The following KPNA7 variants were observed in gnomAD, a reference collection of about 807,000 sequenced individuals.
The protein encoded by KPNA7 is importin subunit alpha-8.
Under a neutral mutation model 53.7 loss-of-function variants are expected in KPNA7, and 54 were observed. The observed-to-expected ratio is 1.01, with a 90% CI of 0.81 to 1.26. KPNA7 has a LOEUF of 1.26. KPNA7 is among the 50% of genes most tolerant of loss of function. The pLI is 0.00. For synonymous variants in KPNA7, 276 were observed against 259.3 expected (o/e 1.06, Z -0.62); for missense variants, 640 against 644.5 (o/e 0.99, Z 0.07).
upstream of KPNA7, among the ~76,000 whole-genome samples, chr7:99,209,041 A>T (rs1039595614): frequency 1.3e-5 from 2 of 152,054 alleles, no homozygotes; most frequent in Non-Finnish European, 1.5e-5. Flanking sequence ...AATTCCAGCT[A>T]TTTGGGAGGC....
chr7:99,197,993 C>T lies in KPNA7; in HGVS notation c.202-1827G>A, dbSNP rs143399267. ...TCTGAAAAGTTCAATGAGCTCCAAA[C>T]GGAATAAATCCCAAGATCCAGACAT... On this transcript the variant is annotated intron_variant, in intron 3 of 10. Transcript: ENST00000327442. 7.9e-5 allele frequency among the ~76,000 whole-genome samples: 12 copies of T among 152,256 alleles called. No individual in the cohort carries two copies. The East Asian group carries it at 9.7e-4, about 12-fold the overall frequency.
chr7:99,173,392 T>C (rs1313029320), downstream of KPNA7, among the ~76,000 whole-genome samples: 1 of 152,112 alleles, frequency 6.6e-6, no homozygotes, highest in Non-Finnish European at 1.5e-5. Flanking sequence ...GGAGTTTCAC[T>C]GTGTTGGCCA....
rs183241291 is a variant in KPNA7, at chr7:99,195,288, G to A, written c.335C>T (p.Ala112Val). The change falls in exon 5 of 11, where the codon GCG becomes GTG. Residue 112 changes from alanine to valine, a missense_variant. By Grantham distance (64) the Ala-to-Val change is moderately conservative. Transcript: ENST00000327442. ...CTCCACCATCCTGGGAATGAGGCCC[G>A]CTTCAATGACCAGTTTCAGAGGGGG... ...KNPPLKLVIE[A>V]GLIPRMVEFL... The A allele has an allele frequency of 2.6e-5, 41 of 1,551,582 alleles. No homozygotes were observed. The East Asian group carries it at 4.4e-4, about 17-fold the overall frequency.
intron 10 of KPNA7, among the ~76,000 whole-genome samples, chr7:99,173,999 C>T (rs1798820277): frequency 6.6e-6 from 1 of 152,186 alleles, no homozygotes; most frequent in Admixed American, 6.5e-5. Flanking sequence ...ACAACTGAAG[C>T]TTTGTACCTA....
chr7:99,178,847 A>G (rs1799033422), intron 9 of KPNA7, among the ~76,000 whole-genome samples: 1 of 141,788 alleles, frequency 7.1e-6, no homozygotes, highest in African/African-American at 2.5e-5. Flanking sequence ...CAGTGGCGTA[A>G]TCTTGGCTCA....
At chr7:99,192,358 T>C (rs928529672) in intron 6 of KPNA7, among the ~76,000 whole-genome samples, 3 of 152,170 alleles carry the variant, frequency 2.0e-5, no homozygotes, top group African/African-American at 7.2e-5. Context: ...TACTGGCCCC[T>C]AAAGACAGAG....
At chr7:99,156,744 C>G in the KPNA7 span, among the ~76,000 whole-genome samples, 1 of 152,144 alleles carries the variant, frequency 6.6e-6, no homozygotes, top group Non-Finnish European at 1.5e-5. Context: ...AAGCTGGTCT[C>G]AAACTCCTGA....
At chr7:99,156,484 A>G in the KPNA7 span, among the ~76,000 whole-genome samples, 1 of 152,040 alleles carries the variant, frequency 6.6e-6, no homozygotes, top group East Asian at 1.9e-4. Flanking sequence ...TTGGCATTCA[A>G]TGAACCCTTT....
Position 99,188,395 on chromosome 7 carries a change from T to C in KPNA7, c.805A>G (p.Thr269Ala). Residue 269 changes from threonine to alanine, a missense_variant, in exon 7 of 11, where the codon ACC (threonine) becomes GCC (alanine). Physicochemically the swap from Thr to Ala is moderately conservative, Grantham distance 58. Transcript: ENST00000327442. ...CCGATGCGCTTGTTGGAGCCGTCGGTGAGGTAGGACAGTGCCCAGCAGGCA... is the reference window on the plus strand; with the variant it reads ...CCGATGCGCTTGTTGGAGCCGTCGGCGAGGTAGGACAGTGCCCAGCAGGCA... ...SDACWALSYL[T>A]DGSNKRIGQV... The C allele has an allele frequency of 6.4e-7, 1 of 1,551,374 alleles. No homozygotes were observed. The highest frequency in any genetic ancestry group is 8.7e-7 in the Non-Finnish European group (1 of 1,146,958).
At chr7:99,191,532 C>CT (rs1348303775) in intron 6 of KPNA7, among the ~76,000 whole-genome samples, 1 of 152,184 alleles carries the variant, frequency 6.6e-6, no homozygotes, top group African/African-American at 2.4e-5. Flanking sequence ...CAAAGCCTCC[C>CT]TGCTGCTAGC....
At chr7:99,165,983 C>A in the KPNA7 span, among the ~76,000 whole-genome samples, 1 of 145,060 alleles carries the variant, frequency 6.9e-6, no homozygotes. Context: ...CTCATGAGAT[C>A]TGGTTGTTTA....
chr7:99,158,995 G>A, the KPNA7 span, among the ~76,000 whole-genome samples: 2 of 151,956 alleles, frequency 1.3e-5, no homozygotes, highest in Non-Finnish European at 2.9e-5. Flanking sequence ...CTCCCGAGTA[G>A]TTGGGACTAC....
At chr7:99,161,369 A>G in the KPNA7 span, among the ~76,000 whole-genome samples, 1 of 152,140 alleles carries the variant, frequency 6.6e-6, no homozygotes, top group Admixed American at 6.6e-5. Flanking sequence ...TCCAGCCATC[A>G]GCCACTGAAG....
chr7:99,164,704 G>A, the KPNA7 span, among the ~76,000 whole-genome samples: 1,783 of 152,244 alleles, frequency 0.012, 34 homozygotes, highest in African/African-American at 0.041. Flanking sequence ...GGAGAGGCAG[G>A]ATGCAGGTAG....
chr7:99,188,723 G>C (rs1789772428), intron 6 of KPNA7, among the ~76,000 whole-genome samples, 160 bp from the exon 7 acceptor site: 1 of 152,126 alleles, frequency 6.6e-6, no homozygotes, highest in Non-Finnish European at 1.5e-5. Flanking sequence ...TGTCACCCAG[G>C]CTGGAGTGCA....
upstream of KPNA7, among the ~76,000 whole-genome samples, chr7:99,211,146 A>C (rs1012993335): frequency 6.6e-6 from 1 of 152,182 alleles, no homozygotes; most frequent in Non-Finnish European, 1.5e-5. Context: ...CTGGCTGGGC[A>C]CAGTGGCTCA....
At chr7:99,208,639 C>G (rs1563091169), upstream of KPNA7, among the ~76,000 whole-genome samples, 1 of 152,070 alleles carries the variant, frequency 6.6e-6, no homozygotes, top group East Asian at 1.9e-4. Context: ...AACTCCTGAC[C>G]TTGTGATCCA....
upstream of KPNA7, among the ~76,000 whole-genome samples, chr7:99,210,696 C>T (rs1344811507): frequency 6.6e-6 from 1 of 152,008 alleles, no homozygotes; most frequent in Non-Finnish European, 1.5e-5. Context: ...TCAAGTGATC[C>T]TCCTGCCTCA....
intron 9 of KPNA7, among the ~76,000 whole-genome samples, chr7:99,181,035 G>C (rs1374235647): frequency 1.8e-5 from 1 of 55,214 alleles, no homozygotes; most frequent in African/African-American, 8.8e-5. Context: ...CTCTCTGTGT[G>C]TGTCTCTCTC....
Sources: gnomAD v4.1 joint callset for allele counts (sites outside exome capture counted in the v4.1 genomes callset) on GRCh38, gnomAD v4.1.1 for gene constraint, MANE v1.5 for transcripts, NCBI Gene and HGNC (gene_info 2026-07-23, HGNC 2026-07-21) for gene names.